SUGCT: variants seen among roughly 807,000 people sequenced by gnomAD.
SUGCT encodes the protein succinyl-CoA:glutarate-CoA transferase.
SUGCT carries 41 observed loss-of-function variants against 55.0 expected under a neutral mutation model. The observed-to-expected ratio is 0.74, with a 90% confidence interval of 0.58 to 0.97. SUGCT has a LOEUF of 0.97. SUGCT is among the 50% of genes least tolerant of loss of function. The pLI, the probability that SUGCT is intolerant of heterozygous loss-of-function variation, is 0.00. For synonymous variants in SUGCT, 187 were observed against 200.4 expected (o/e 0.93, Z 0.56); for missense variants, 568 against 547.8 (o/e 1.04, Z -0.37).
chr7:40,761,987 C>A (rs965319503), intron 13 of SUGCT, among the ~76,000 whole-genome samples: 9 of 152,130 alleles, frequency 5.9e-5, no homozygotes, highest in African/African-American at 1.9e-4. Context: ...CAGGAGCACG[C>A]CCCGGGGAAC....
chr7:40,291,286 A>G (rs1793732514), intron 8 of SUGCT, among the ~76,000 whole-genome samples: 1 of 151,876 alleles, frequency 6.6e-6, no homozygotes, highest in African/African-American at 2.4e-5. Flanking sequence ...CTGGATTAAG[A>G]AAATGTGGCA....
At chr7:40,200,744 A>G (rs939763039) in intron 6 of SUGCT, among the ~76,000 whole-genome samples, 2 of 151,262 alleles carry the variant, frequency 1.3e-5, no homozygotes, top group African/African-American at 4.9e-5. Context: ...AATGCAGATT[A>G]AAAAAAAAGA....
intron 10 of SUGCT, among the ~76,000 whole-genome samples, chr7:40,458,633 C>T (rs891744343): frequency 1.3e-5 from 2 of 152,140 alleles, no homozygotes; most frequent in African/African-American, 2.4e-5. Context: ...ATTTTATTTA[C>T]ATATGGTATA....
chr7:40,142,432 G>T (rs1032662904), intron 1 of SUGCT, among the ~76,000 whole-genome samples: 2 of 152,140 alleles, frequency 1.3e-5, no homozygotes, highest in African/African-American at 4.8e-5. Flanking sequence ...TTTTCCAAAA[G>T]AAGAAGCTTC....
chr7:40,184,297 T>C (rs1026994150), intron 3 of SUGCT, among the ~76,000 whole-genome samples: 18 of 152,220 alleles, frequency 1.2e-4, no homozygotes, highest in Admixed American at 6.5e-5. Context: ...TTATTTTTTT[T>C]TGAGACAGGT....
chr7:40,377,198 CTTTTCTTTTCTTTTCTTTCT>C (rs1562728666), intron 9 of SUGCT, among the ~76,000 whole-genome samples: 11 of 16,566 alleles, frequency 6.6e-4, no homozygotes, highest in East Asian at 0.013. Context: ...TTCTTTCTTT[CTTTTCTTTTCTTTTCTTTCT>C]TTTCTTTCTT....
intron 8 of SUGCT, among the ~76,000 whole-genome samples, chr7:40,288,829 T>A (rs547877684): frequency 9.8e-5 from 15 of 152,328 alleles, no homozygotes; most frequent in African/African-American, 3.6e-4. Flanking sequence ...GTTTTATATG[T>A]AGTTGTACAT....
At chr7:40,929,115 G>A in the SUGCT span, among the ~76,000 whole-genome samples, 2 of 151,448 alleles carry the variant, frequency 1.3e-5, no homozygotes, top group African/African-American at 4.9e-5. Context: ...CCCGGTGTGT[G>A]ATGTTACCCA....
At chr7:40,652,101 A>G (rs974374751) in intron 12 of SUGCT, among the ~76,000 whole-genome samples, 16 of 151,624 alleles carry the variant, frequency 1.1e-4, no homozygotes, top group African/African-American at 3.6e-4. Flanking sequence ...ATTCTTCCCT[A>G]TTTTCTGGAT....
In SUGCT at chr7:40,171,979, C is replaced by CCT. The variant is rs556326765; in HGVS notation, c.101-8957_101-8956dup. Reference sequence around the variant, plus strand: ...TTGTGTATCTCTCTTTCTCTCTTTTCCTCTCTCTCTCTTTCCCTTTTCTCT... The same window carrying CCT: ...TTGTGTATCTCTCTTTCTCTCTTTTCCTCTCTCTCTCTCTTTCCCTTTTCTCT... On this transcript the variant is annotated intron_variant, in intron 1 of 13. Coordinates refer to ENST00000335693, the MANE Select transcript of SUGCT (RefSeq NM_001193313.2). 1.4e-3 allele frequency among the ~76,000 whole-genome samples: 208 copies of CCT among 152,034 alleles called. 1 individual carries two copies. Among genetic ancestry groups the CCT allele is most frequent in the Non-Finnish European group, 2.5e-3 (172 of 68,000 alleles).
At chr7:40,463,134 G>A (rs1340559142) in intron 11 of SUGCT, among the ~76,000 whole-genome samples, 5 of 152,032 alleles carry the variant, frequency 3.3e-5, no homozygotes, top group African/African-American at 1.2e-4. Context: ...TACATCGCAG[G>A]CACTTTCCTT....
chr7:41,037,880 T>A, the SUGCT span, among the ~76,000 whole-genome samples: 3 of 152,144 alleles, frequency 2.0e-5, no homozygotes. Flanking sequence ...TGTTGGAAAC[T>A]GCAATAAGAT....
intron 12 of SUGCT, among the ~76,000 whole-genome samples, chr7:40,629,551 G>A (rs1190020319): frequency 2.0e-5 from 3 of 152,084 alleles, no homozygotes; most frequent in Non-Finnish European, 4.4e-5. Context: ...GGCAGGAGGA[G>A]GTGGTCAATT....
intron 9 of SUGCT, among the ~76,000 whole-genome samples, chr7:40,342,339 A>T (rs1201358802): frequency 1.3e-5 from 2 of 152,222 alleles, no homozygotes; most frequent in Non-Finnish European, 2.9e-5. Flanking sequence ...TATAGGAAAA[A>T]TCAAAGCTCA....
At chr7:40,381,778 C>T (rs1784886293) in intron 9 of SUGCT, among the ~76,000 whole-genome samples, 1 of 152,056 alleles carries the variant, frequency 6.6e-6, no homozygotes, top group South Asian at 2.1e-4. Flanking sequence ...ATCTACAAAC[C>T]CCATGAAACC....
At chr7:40,604,901 G>T (rs1798451020) in intron 12 of SUGCT, among the ~76,000 whole-genome samples, 1 of 152,198 alleles carries the variant, frequency 6.6e-6, no homozygotes, top group South Asian at 2.1e-4. Flanking sequence ...CAAGGAGCAG[G>T]CAAGGACAGG....
At chr7:41,026,612 C>T in the SUGCT span, among the ~76,000 whole-genome samples, 1 of 152,200 alleles carries the variant, frequency 6.6e-6, no homozygotes, top group Non-Finnish European at 1.5e-5. Flanking sequence ...TTTAGGTAAA[C>T]ACAATCTGAT....
intron 12 of SUGCT, among the ~76,000 whole-genome samples, chr7:40,515,420 T>C (rs978858767): frequency 1.3e-5 from 2 of 152,240 alleles, no homozygotes; most frequent in African/African-American, 4.8e-5. Context: ...CACCACCATC[T>C]AATTTCAGGA....
intron 9 of SUGCT, among the ~76,000 whole-genome samples, chr7:40,335,601 A>G (rs1205262743): frequency 6.6e-6 from 1 of 152,196 alleles, no homozygotes; most frequent in Non-Finnish European, 1.5e-5. Flanking sequence ...TTGATTTTGT[A>G]TCCTGAGACT....
Sources: allele counts gnomAD v4.1 joint callset (sites outside exome capture counted in the v4.1 genomes callset), GRCh38; gene constraint gnomAD v4.1.1; transcripts MANE v1.5; gene names NCBI Gene and HGNC (gene_info 2026-07-23, HGNC 2026-07-21).